BIRC6: variants seen among roughly 807,000 people sequenced by gnomAD.
BIRC6 encodes baculoviral IAP repeat containing 6, also known as dual E2 ubiquitin-conjugating enzyme/E3 ubiquitin-protein ligase BIRC6.
Under a neutral mutation model 503.3 loss-of-function variants are expected in BIRC6, and 98 were observed. That is an observed-to-expected ratio of 0.19 (90% CI 0.17 to 0.23). The LOEUF is 0.23. Among genes scored for constraint, BIRC6 ranks in the 10% least tolerant of loss-of-function variants. BIRC6 has a pLI of 1.00. For missense variants in BIRC6, 5,360 were observed against 5,806.0 expected (o/e 0.92, Z 2.50); for synonymous variants, 2,240 against 2,078.7 (o/e 1.08, Z -2.11).
chr2:32,395,110 G>A (rs775811270), intron 5 of BIRC6, among the ~76,000 whole-genome samples: 1 of 152,134 alleles, frequency 6.6e-6, no homozygotes, highest in Non-Finnish European at 1.5e-5. Context: ...CCGAGATTGC[G>A]CCACTGCACT....
intron 50 of BIRC6, among the ~76,000 whole-genome samples, chr2:32,507,500 T>TA (rs1322617564): frequency 6.6e-6 from 1 of 152,156 alleles, no homozygotes; most frequent in Non-Finnish European, 1.5e-5. Context: ...ACTCAATGTT[T>TA]AAAAAAATCA....
chr2:32,582,059 G>A (rs890947917), intron 66 of BIRC6, among the ~76,000 whole-genome samples: 2 of 151,960 alleles, frequency 1.3e-5, no homozygotes, highest in African/African-American at 4.8e-5. Flanking sequence ...GGGTTTCACC[G>A]TGTTGGCCAA....
intron 60 of BIRC6, among the ~76,000 whole-genome samples, chr2:32,530,976 G>T (rs976727430): frequency 1.3e-5 from 2 of 152,154 alleles, no homozygotes; most frequent in Non-Finnish European, 2.9e-5. Context: ...AGAACTTTGA[G>T]AACTTATTTA....
intron 34 of BIRC6, 21 bp downstream of exon 34, chr2:32,476,365 T>C (rs905903361): frequency 6.5e-7 from 1 of 1,547,762 alleles, no homozygotes; most frequent in African/African-American, 1.4e-5. Context: ...TACTTTTCAA[T>C]ATAGTTATCT....
chr2:32,613,117 G>C lies in BIRC6; in HGVS notation c.14394+1535G>C, dbSNP rs140440291. Among the ~76,000 whole-genome samples the C allele has an allele frequency of 1.1e-3, 168 of 151,614 alleles. 1 individual carries two copies. The highest frequency in any genetic ancestry group is 4.0e-3 in the African/African-American group (164 of 41,324). On this transcript the variant is annotated intron_variant, in intron 73 of 73. Transcript: ENST00000421745. ...GGTTTCCATTTTCCTCTACTTTTCAGCTCTTCTGCTTGCTCACCTCCATTC... is the reference window on the plus strand; with the variant it reads ...GGTTTCCATTTTCCTCTACTTTTCACCTCTTCTGCTTGCTCACCTCCATTC...
intron 65 of BIRC6, among the ~76,000 whole-genome samples, chr2:32,549,834 G>A (rs1343954673): frequency 6.6e-6 from 1 of 152,042 alleles, no homozygotes; most frequent in African/African-American, 2.4e-5. Flanking sequence ...AAATATTTTT[G>A]TCAAACACTA....
intron 15 of BIRC6, among the ~76,000 whole-genome samples, chr2:32,438,097 T>A (rs2044943592): frequency 6.6e-6 from 1 of 152,208 alleles, no homozygotes; most frequent in Admixed American, 6.5e-5. Flanking sequence ...TGGTCAAAAA[T>A]ACTGATTTTG....
At chr2:32,537,803 A>G (rs1303867375) in intron 61 of BIRC6, among the ~76,000 whole-genome samples, 1 of 152,074 alleles carries the variant, frequency 6.6e-6, no homozygotes, top group South Asian at 2.1e-4. Flanking sequence ...CGTCTCTACT[A>G]AAAATACAAA....
In BIRC6 at chr2:32,523,580, C is replaced by G. The variant is rs545226129; in HGVS notation, c.11624-1308C>G. On this transcript the variant is annotated intron_variant, in intron 57 of 73. Coordinates refer to ENST00000421745, the MANE Select transcript of BIRC6 (RefSeq NM_016252.4). ...GTTATGTGTATAAAATTTTTTACTTCACAAAACTGTCTATAGGCAATTAGC... is the reference window on the plus strand; with the variant it reads ...GTTATGTGTATAAAATTTTTTACTTGACAAAACTGTCTATAGGCAATTAGC... 3 of 152,216 alleles carry G rather than the reference C, an allele frequency of 2.0e-5. No homozygotes were observed. The South Asian group carries it at 6.2e-4, about 32-fold the overall frequency. The allele number at this position is 152,216 out of a possible 1,614,324, so 9.4% of individuals were successfully genotyped here.
chr2:32,370,239 G>A (rs1448998670), intron 1 of BIRC6, among the ~76,000 whole-genome samples: 1 of 151,824 alleles, frequency 6.6e-6, no homozygotes, highest in Non-Finnish European at 1.5e-5. Context: ...TAGAGATTGA[G>A]CCCTCTCCAT....
chr2:32,436,386 A>C (rs2044699213), intron 15 of BIRC6, among the ~76,000 whole-genome samples: 1 of 152,184 alleles, frequency 6.6e-6, no homozygotes, highest in African/African-American at 2.4e-5. Context: ...TTGTGTCTTA[A>C]GAGGTCTCAG....
At chr2:32,576,807 T>G (rs2060298441) in intron 66 of BIRC6, among the ~76,000 whole-genome samples, 1 of 152,158 alleles carries the variant, frequency 6.6e-6, no homozygotes, top group Non-Finnish European at 1.5e-5. Flanking sequence ...CATGGGTGAA[T>G]TATATGGTGG....
intron 71 of BIRC6, among the ~76,000 whole-genome samples, chr2:32,604,878 T>TCTTTTTC (rs1251341567): frequency 6.7e-6 from 1 of 148,250 alleles, no homozygotes; most frequent in Non-Finnish European, 1.5e-5. Flanking sequence ...TTTTCTTTTT[T>TCTTTTTC]CTTTTTCTTT....
At chr2:32,378,785 A>G (rs1256180318) in intron 2 of BIRC6, among the ~76,000 whole-genome samples, 1 of 152,172 alleles carries the variant, frequency 6.6e-6, no homozygotes. Flanking sequence ...GCTATGCATC[A>G]TGTCTTTCAA....
At chr2:32,593,834 T>G in intron 66 of BIRC6, 81 bp from the exon 67 acceptor site, 1 of 1,229,836 alleles carries the variant, frequency 8.1e-7, no homozygotes, top group Non-Finnish European at 1.2e-6. Flanking sequence ...CACACACTCA[T>G]TTGTATATTG....
At chr2:32,484,328 G>A (rs567351192) in intron 39 of BIRC6, among the ~76,000 whole-genome samples, 46 of 152,256 alleles carry the variant, frequency 3.0e-4, no homozygotes, top group African/African-American at 1.1e-3. Flanking sequence ...GAGGCAGGTG[G>A]ATCACCTGAG....
chr2:32,588,588 C>A (rs2061211371), intron 66 of BIRC6, among the ~76,000 whole-genome samples: 1 of 151,978 alleles, frequency 6.6e-6, no homozygotes, highest in Admixed American at 6.6e-5. Flanking sequence ...TCTTTAGCTC[C>A]TTTGTCAAGA....
chr2:32,487,346 C>T (rs926400949), intron 40 of BIRC6, among the ~76,000 whole-genome samples: 1 of 152,124 alleles, frequency 6.6e-6, no homozygotes, highest in Non-Finnish European at 1.5e-5. Context: ...TTTCCCTTTA[C>T]TTTCCCTCCT....
At chr2:32,517,129 G>A (rs2055139169) in intron 55 of BIRC6, among the ~76,000 whole-genome samples, 2 of 152,088 alleles carry the variant, frequency 1.3e-5, no homozygotes, top group South Asian at 4.1e-4. Context: ...TTAGAAGTTT[G>A]AGGCCAGTTT....
Sources: gnomAD v4.1 joint callset for allele counts (sites outside exome capture counted in the v4.1 genomes callset) on GRCh38, gnomAD v4.1.1 for gene constraint, MANE v1.5 for transcripts, NCBI Gene and HGNC (gene_info 2026-07-23, HGNC 2026-07-21) for gene names.